Variants in ADCY7 observed in about 807,000 individuals in gnomAD.
ADCY7 encodes adenylate cyclase 7, also known as adenylate cyclase type 7.
Under a neutral mutation model 120.6 loss-of-function variants are expected in ADCY7, and 72 were observed. The observed-to-expected ratio is 0.60, with a 90% CI of 0.49 to 0.73. The LOEUF (loss-of-function observed/expected upper bound fraction) is 0.73, where lower values mean the gene tolerates loss of function less well. Ranked by LOEUF, ADCY7 falls within the 30% of genes least tolerant of loss-of-function variation. The probability of loss-of-function intolerance (pLI) is 0.00; values close to 1 mark genes in which losing one functional copy is unlikely to be tolerated. For synonymous variants in ADCY7, 661 were observed against 628.0 expected (o/e 1.05, Z -0.78); for missense variants, 1,227 against 1,486.0 (o/e 0.83, Z 2.87).
chr16:50,254,539 A>G (rs1270504727), intron 1 of ADCY7, among the ~76,000 whole-genome samples: 2 of 152,238 alleles, frequency 1.3e-5, no homozygotes, highest in East Asian at 3.8e-4. Flanking sequence ...TAGCCACGCG[A>G]AAAAATACTT....
chr16:50,250,456 C>CAAAAAAAAAA (rs34443362), intron 1 of ADCY7, among the ~76,000 whole-genome samples: 1 of 69,152 alleles, frequency 1.4e-5, no homozygotes. Flanking sequence ...GACTCTATCT[C>CAAAAAAAAAA]AAAAAAAAAA....
chr16:50,312,290 C>T, intron 21 of ADCY7, 99 bp downstream of exon 21: 1 of 1,392,916 alleles, frequency 7.2e-7, no homozygotes, highest in Non-Finnish European at 9.9e-7. Context: ...CTGAGCTTGG[C>T]TTCCTCAGGT....
chr16:50,294,617 C>CAA, intron 6 of ADCY7, 23 bp from the exon 7 acceptor site: 1 of 1,302,146 alleles, frequency 7.7e-7, no homozygotes, highest in Non-Finnish European at 1.1e-6. Context: ...CTGACACTCC[C>CAA]TCCCACCCTG....
rs2036809551 is a variant in ADCY7, at chr16:50,316,574, C to T, written c.*1069C>T. The T allele has an allele frequency of 6.6e-6, 1 of 152,378 alleles. No individual in the cohort carries two copies. The highest frequency in any genetic ancestry group is 2.4e-5 in the African/African-American group (1 of 41,454). 9.4% of individuals were successfully genotyped at this position (152,378 alleles called of 1,614,324 possible). ...AGAGCTTCAAAACTAGAAGGATCTA[C>T]TCCGCATGGGTGCATGCAGAGGCTC... On this transcript the variant is annotated 3_prime_UTR_variant, in exon 26 of 26. Transcript: ENST00000673801.
In ADCY7 at chr16:50,315,067, T is replaced by A; in HGVS notation, c.3025T>A (p.Tyr1009Asn). The change falls in exon 25 of 26, where the codon TAT becomes AAT. Residue 1009 changes from tyrosine (Y) to asparagine (N), a missense_variant. Physicochemically the swap from Tyr to Asn is moderately radical, Grantham distance 143. Transcript: ENST00000673801. ...AGTGATTGGGGCCCGAAAACCTCAG[T>A]ATGACATCTGGGGAAACACTGTCAA... ...AGVIGARKPQ[Y>N]DIWGNTVNVA... 1 of 1,614,160 alleles carries A rather than the reference T, an allele frequency of 6.2e-7. No homozygotes were observed. Among genetic ancestry groups the A allele is most frequent in the Non-Finnish European group, 8.5e-7 (1 of 1,180,028 alleles).
intron 11 of ADCY7, 108 bp from the exon 12 acceptor site, chr16:50,304,817 C>T: frequency 6.8e-7 from 1 of 1,477,588 alleles, no homozygotes; most frequent in Non-Finnish European, 9.5e-7. Context: ...GACCCCGACA[C>T]CTTGTCCTGT....
intron 6 of ADCY7, 63 bp from the exon 7 acceptor site, chr16:50,294,577 C>A: frequency 9.1e-7 from 1 of 1,099,954 alleles, no homozygotes; most frequent in Non-Finnish European, 1.3e-6. Flanking sequence ...GTCCTGCGTG[C>A]TCCTGCTGCT....
rs542866088 is a variant in ADCY7, at chr16:50,291,797, G to C, written c.437G>C (p.Gly146Ala). Residue 146 changes from glycine to alanine, a missense_variant, in exon 4 of 26, where the codon GGC (glycine) becomes GCC (alanine). Around this residue, in one of 5 missense-constraint regions of ADCY7, gnomAD observed 382 missense variants for 411.4 expected, o/e 0.93. Transcript: ENST00000673801. Reference protein sequence around the residue: ...VYTLLPFSMRGAVAVGAVSTA... With the variant: ...VYTLLPFSMRAAVAVGAVSTA... Reference sequence around the variant, plus strand: ...ACACTACTGCCCTTCAGCATGCGGGGCGCTGTCGCCGTTGGGGCCGTCTCC... The same window carrying C: ...ACACTACTGCCCTTCAGCATGCGGGCCGCTGTCGCCGTTGGGGCCGTCTCC... The C allele has an allele frequency of 3.7e-6, 6 of 1,614,024 alleles. No individual in the cohort carries two copies. Among genetic ancestry groups the C allele is most frequent in the Non-Finnish European group, 2.5e-6 (3 of 1,179,998 alleles).
At position 50,301,223 on chromosome 16, in the gene ADCY7, G is replaced by T. The variant is rs1489507892; in HGVS notation, c.1368+9G>T. 6.3e-7 allele frequency: 1 copy of T among 1,576,532 alleles called. No homozygotes were observed. The highest frequency in any genetic ancestry group is 1.2e-5 in the South Asian group (1 of 86,714). On this transcript the variant is annotated intron_variant, in intron 10 of 25. Transcript: ENST00000673801. ...TGGTCATCGACCCCCGGGTACGAGGGCTCAGAGGCCGCAGCTGGGGGGGAC... is the reference window on the plus strand; with the variant it reads ...TGGTCATCGACCCCCGGGTACGAGGTCTCAGAGGCCGCAGCTGGGGGGGAC...
chr16:50,276,036 G>A (rs1034606699), intron 1 of ADCY7, among the ~76,000 whole-genome samples: 4 of 152,202 alleles, frequency 2.6e-5, no homozygotes, highest in Admixed American at 6.5e-5. Context: ...GTACTGTGCC[G>A]TCTCCTGCCA....
At chr16:50,290,727 C>T in intron 3 of ADCY7, 67 bp downstream of exon 3, 1 of 1,537,794 alleles carries the variant, frequency 6.5e-7, no homozygotes. Context: ...GGTTGGTGGG[C>T]ATGCCACAGG....
rs189295522 is a variant in ADCY7 at position 50,272,955 on chromosome 16, G to A, written c.-269+6275G>A. ...GGAGACACTGCTCCATCCCCTGGGG[G>A]CAGGGACCAGCACTTCTGTATCCCT... is the stretch of plus-strand genomic sequence containing the variant. On this transcript the variant is annotated intron_variant, in intron 1 of 25. Coordinates refer to ENST00000673801, the MANE Select transcript of ADCY7 (RefSeq NM_001114.5). 1.4e-3 allele frequency among the ~76,000 whole-genome samples: 216 copies of A among 152,296 alleles called. 1 individual carries two copies. Among genetic ancestry groups the A allele is most frequent in the African/African-American group, 5.0e-3 (209 of 41,538 alleles).
chr16:50,291,677 G>A, intron 3 of ADCY7, 59 bp from the exon 4 acceptor site: 1 of 1,606,696 alleles, frequency 6.2e-7, no homozygotes, highest in Non-Finnish European at 8.5e-7. Context: ...AGGGTTCCGG[G>A]GGCTGTACGG....
chr16:50,258,391 T>C (rs757897501), intron 1 of ADCY7, among the ~76,000 whole-genome samples: 6 of 152,108 alleles, frequency 3.9e-5, no homozygotes, highest in Non-Finnish European at 8.8e-5. Context: ...GTAGGAGAGC[T>C]TCCTATAATG....
chr16:50,255,483 G>A (rs919556545), intron 1 of ADCY7, among the ~76,000 whole-genome samples: 1 of 148,538 alleles, frequency 6.7e-6, no homozygotes, highest in African/African-American at 2.5e-5. Flanking sequence ...TATATTTACA[G>A]CCCAATGATT....
intron 10 of ADCY7, among the ~76,000 whole-genome samples, chr16:50,302,325 G>A (rs1420366631): frequency 6.6e-6 from 1 of 152,068 alleles, no homozygotes; most frequent in Non-Finnish European, 1.5e-5. Flanking sequence ...ACCCCGTGCT[G>A]AGATGGATGC....
chr16:50,314,904 T>C (rs898106379), intron 24 of ADCY7, 110 bp from the exon 25 acceptor site: 1 of 941,026 alleles, frequency 1.1e-6, no homozygotes, highest in African/African-American at 2.7e-5. Context: ...TTCACTCTAG[T>C]TGTTTTGTCC....
chr16:50,292,329 C>T (rs1444308710), intron 4 of ADCY7, among the ~76,000 whole-genome samples: 1 of 152,246 alleles, frequency 6.6e-6, no homozygotes, highest in Non-Finnish European at 1.5e-5. Context: ...TCCCTCTGAC[C>T]AGGCCTGGTG....
At chr16:50,312,434 C>T (rs951622309) in intron 21 of ADCY7, among the ~76,000 whole-genome samples, 2 of 152,244 alleles carry the variant, frequency 1.3e-5, no homozygotes, top group Non-Finnish European at 2.9e-5. Context: ...GTCTTCACCT[C>T]TGTAAAATGG....
Sources: gnomAD v4.1 joint callset for allele counts (sites outside exome capture counted in the v4.1 genomes callset) on GRCh38, gnomAD v4.1.1 for gene constraint, gnomAD v4.1.1 regional missense constraint, MANE v1.5 for transcripts, NCBI Gene and HGNC (gene_info 2026-07-23, HGNC 2026-07-21) for gene names.